Variants in SLC35F4 observed in about 807,000 individuals in gnomAD.
The protein encoded by SLC35F4 is solute carrier family 35 member F4.
Under a neutral mutation model 44.2 loss-of-function variants are expected in SLC35F4, and 24 were observed. That is an observed-to-expected ratio of 0.54 (90% CI 0.39 to 0.76). The LOEUF (loss-of-function observed/expected upper bound fraction) is 0.76. SLC35F4 is among the 30% of genes least tolerant of loss of function. SLC35F4 has a pLI of 0.00. For missense variants in SLC35F4, 562 were observed against 586.1 expected (o/e 0.96, Z 0.42); for synonymous variants, 238 against 223.6 (o/e 1.06, Z -0.57).
chr14:57,596,438 C>A, intron 1 of SLC35F4: 1 of 280,224 alleles, frequency 3.6e-6, no homozygotes, highest in South Asian at 3.6e-5. Context: ...ATTCAGTGAA[C>A]TCACAATTAT....
At chr14:57,832,454 T>C (rs1168056672) in intron 1 of SLC35F4, among the ~76,000 whole-genome samples, 1 of 152,220 alleles carries the variant, frequency 6.6e-6, no homozygotes, top group Non-Finnish European at 1.5e-5. Flanking sequence ...AGGACTATAG[T>C]TAAGAAAATT....
chr14:57,852,981 T>C (rs149894840), intron 1 of SLC35F4, among the ~76,000 whole-genome samples: 23 of 152,332 alleles, frequency 1.5e-4, no homozygotes, highest in African/African-American at 5.3e-4. Flanking sequence ...TAGGTCTAAA[T>C]ATAGCAAACC....
chr14:57,980,834 CA>C (rs1245328347), intron 1 of SLC35F4, among the ~76,000 whole-genome samples: 13 of 152,204 alleles, frequency 8.5e-5, no homozygotes, highest in Non-Finnish European at 7.3e-5. Flanking sequence ...TAAATAGCTA[CA>C]TGTGGCTAGT....
intron 1 of SLC35F4, among the ~76,000 whole-genome samples, chr14:57,743,387 G>T (rs2076668974): frequency 6.6e-6 from 1 of 152,128 alleles, no homozygotes. Context: ...AAATGATAAA[G>T]GGGATATCAC....
At chr14:57,926,006 C>T (rs1225866811) in intron 1 of SLC35F4, among the ~76,000 whole-genome samples, 2 of 152,208 alleles carry the variant, frequency 1.3e-5, no homozygotes, top group Non-Finnish European at 2.9e-5. Flanking sequence ...TCACCATCTA[C>T]GAGTTCTGTA....
chr14:57,711,275 G>T (rs367626433), intron 1 of SLC35F4, among the ~76,000 whole-genome samples: 1 of 152,050 alleles, frequency 6.6e-6, no homozygotes, highest in Non-Finnish European at 1.5e-5. Flanking sequence ...TTTGCCTTCC[G>T]CCATGATTGT....
At chr14:57,923,592 A>G (rs1889485683) in intron 1 of SLC35F4, among the ~76,000 whole-genome samples, 2 of 152,192 alleles carry the variant, frequency 1.3e-5, no homozygotes, top group Non-Finnish European at 2.9e-5. Flanking sequence ...CTAGCCAACC[A>G]CACTACTTTC....
chr14:57,941,393 A>T (rs1889914091), intron 1 of SLC35F4, among the ~76,000 whole-genome samples: 1 of 152,232 alleles, frequency 6.6e-6, no homozygotes, highest in Non-Finnish European at 1.5e-5. Flanking sequence ...AACAATATGG[A>T]TGAACCTTGA....
rs181928201 is a variant in SLC35F4 at position 57,779,922 on chromosome 14, T to C, written c.103+85801A>G. 4.9e-4 allele frequency among the ~76,000 whole-genome samples: 74 copies of C among 152,218 alleles called. No homozygotes were observed. The East Asian group carries it at 0.012, about 24-fold the overall frequency. ...AAACTCTCGACAAACTAGGTATTGA[T>C]GGAATATACCTCAAAATAATAACAG... On this transcript the variant is annotated intron_variant, in intron 1 of 7. Transcript: ENST00000556826.
At chr14:57,708,712 G>A (rs1168672695) in intron 1 of SLC35F4, among the ~76,000 whole-genome samples, 1 of 152,082 alleles carries the variant, frequency 6.6e-6, no homozygotes, top group Non-Finnish European at 1.5e-5. Context: ...AAGACAGCTG[G>A]GCCCAGGGGA....
chr14:57,892,088 A>G (rs1403771781), intron 1 of SLC35F4, among the ~76,000 whole-genome samples: 1 of 152,234 alleles, frequency 6.6e-6, no homozygotes, highest in African/African-American at 2.4e-5. Flanking sequence ...GTGTTCATTT[A>G]TTACTCAATT....
At chr14:57,791,478 C>G (rs1191099337) in intron 1 of SLC35F4, among the ~76,000 whole-genome samples, 1 of 152,142 alleles carries the variant, frequency 6.6e-6, no homozygotes, top group Non-Finnish European at 1.5e-5. Context: ...AGTCAGGAAA[C>G]AACAGATGCT....
intron 1 of SLC35F4, among the ~76,000 whole-genome samples, chr14:57,782,723 ATG>A (rs2077654470): frequency 6.6e-6 from 1 of 152,224 alleles, no homozygotes; most frequent in African/African-American, 2.4e-5. Context: ...TAAATTGTGT[ATG>A]ACAGTAAAAA....
chr14:57,877,112 A>G (rs1888414367), intron 1 of SLC35F4, among the ~76,000 whole-genome samples: 1 of 152,082 alleles, frequency 6.6e-6, no homozygotes, highest in Admixed American at 6.6e-5. Flanking sequence ...TACCCAGGTC[A>G]TGAGCCTAGT....
At chr14:57,909,713 T>C (rs938403465) in intron 1 of SLC35F4, among the ~76,000 whole-genome samples, 5 of 152,140 alleles carry the variant, frequency 3.3e-5, no homozygotes, top group African/African-American at 9.6e-5. Context: ...ATTTATCTCT[T>C]TGCCTACTGA....
At chr14:57,574,754 T>G (rs1401482268) in intron 4 of SLC35F4, among the ~76,000 whole-genome samples, 1 of 152,214 alleles carries the variant, frequency 6.6e-6, no homozygotes, top group Admixed American at 6.5e-5. Flanking sequence ...TTGGGTGATC[T>G]CAGAATGGCT....
chr14:57,630,913 C>A, intron 1 of SLC35F4: 1 of 856,164 alleles, frequency 1.2e-6, no homozygotes, highest in Non-Finnish European at 1.4e-6. Flanking sequence ...TGTGGTGTCT[C>A]TGTATATTTT....
chr14:57,707,264 C>T (rs181544368), intron 1 of SLC35F4, among the ~76,000 whole-genome samples: 76 of 152,240 alleles, frequency 5.0e-4, no homozygotes, highest in African/African-American at 1.7e-3. Flanking sequence ...CTGGCTTTGT[C>T]CCCACCGAAA....
chr14:57,569,193 A>T (rs1251554630), intron 6 of SLC35F4, among the ~76,000 whole-genome samples: 2 of 152,130 alleles, frequency 1.3e-5, no homozygotes, highest in African/African-American at 4.8e-5. Context: ...TCCTATCACA[A>T]ATCCATTCTC....
Sources: gnomAD v4.1 joint callset for allele counts (sites outside exome capture counted in the v4.1 genomes callset) on GRCh38, gnomAD v4.1.1 for gene constraint, MANE v1.5 for transcripts, NCBI Gene and HGNC (gene_info 2026-07-23, HGNC 2026-07-21) for gene names.